The following SEMA3A variants were observed in gnomAD, a reference collection of about 807,000 sequenced individuals.
SEMA3A encodes semaphorin 3A.
In SEMA3A, 29 loss-of-function variants were observed where a neutral mutation model predicts 97.9. That is an observed-to-expected ratio of 0.30 (90% CI 0.22 to 0.40). SEMA3A has a LOEUF of 0.40. SEMA3A is among the 10% of genes least tolerant of loss of function. The probability of loss-of-function intolerance (pLI) is 1.00; values close to 1 mark genes in which losing one functional copy is unlikely to be tolerated. For missense variants in SEMA3A, 763 were observed against 951.3 expected (o/e 0.80, Z 2.60); for synonymous variants, 321 against 323.7 (o/e 0.99, Z 0.09).
At chr7:84,009,182 G>C (rs1790782394) in intron 9 of SEMA3A, among the ~76,000 whole-genome samples, 1 of 152,184 alleles carries the variant, frequency 6.6e-6, no homozygotes, top group South Asian at 2.1e-4. Flanking sequence ...GCAAGGCCTA[G>C]GAATCTGAAT....
At chr7:83,968,214 A>C (rs1249015424) in intron 15 of SEMA3A, among the ~76,000 whole-genome samples, 1 of 152,224 alleles carries the variant, frequency 6.6e-6, no homozygotes, top group African/African-American at 2.4e-5. Context: ...AGTGATATAA[A>C]ATCTTTTTCT....
At chr7:84,136,977 G>GAAGGAAGGAAGGAAGA (rs1796147541) in intron 1 of SEMA3A, among the ~76,000 whole-genome samples, 1 of 150,062 alleles carries the variant, frequency 6.7e-6, no homozygotes, top group Admixed American at 6.6e-5. Flanking sequence ...AGGAAGGAAG[G>GAAGGAAGGAAGGAAGA]AAGGAAGGAA....
intron 1 of SEMA3A, among the ~76,000 whole-genome samples, chr7:84,425,505 T>A (rs1804791770): frequency 7.0e-6 from 1 of 143,132 alleles, no homozygotes; most frequent in African/African-American, 2.5e-5. Context: ...ATGCATATAA[T>A]ATATTCATAT....
At chr7:84,187,498 C>CAA (rs1271932677) in intron 1 of SEMA3A, among the ~76,000 whole-genome samples, 5 of 152,026 alleles carry the variant, frequency 3.3e-5, no homozygotes, top group Non-Finnish European at 7.4e-5. Context: ...TGCAGACTAA[C>CAA]AAATATGACC....
upstream of SEMA3A, among the ~76,000 whole-genome samples, chr7:84,199,386 C>T (rs1020305071): frequency 1.3e-5 from 2 of 152,054 alleles, no homozygotes; most frequent in Non-Finnish European, 1.5e-5. Flanking sequence ...CAGATGACCT[C>T]TTTAAAGGAA....
intron 2 of SEMA3A, among the ~76,000 whole-genome samples, chr7:84,329,232 C>G (rs931307148): frequency 1.3e-5 from 2 of 151,894 alleles, no homozygotes; most frequent in Non-Finnish European, 2.9e-5. Flanking sequence ...ATTGAGTGTT[C>G]AAGACATTAC....
intron 1 of SEMA3A, among the ~76,000 whole-genome samples, chr7:84,386,807 CT>C (rs1479723980): frequency 2.6e-5 from 4 of 151,980 alleles, no homozygotes; most frequent in African/African-American, 9.7e-5. Context: ...CTACATCAGC[CT>C]GGCCAACATG....
chr7:84,438,598 C>G (rs1400644102), intron 1 of SEMA3A, among the ~76,000 whole-genome samples: 2 of 152,030 alleles, frequency 1.3e-5, no homozygotes, highest in South Asian at 4.1e-4. Context: ...TGCCAGAAAA[C>G]CATCGGGAAG....
At chr7:84,187,306 T>G (rs1441580849) in intron 1 of SEMA3A, among the ~76,000 whole-genome samples, 1 of 152,216 alleles carries the variant, frequency 6.6e-6, no homozygotes, top group African/African-American at 2.4e-5. Flanking sequence ...TCACTTATCT[T>G]TAGCTACTAC....
chr7:84,195,024 A>AGAGAGAGAGAGAAAGAGAGAGAGAG (rs1798179833), upstream of SEMA3A: 103 of 140,578 alleles, frequency 7.3e-4, no homozygotes, highest in African/African-American at 2.3e-3. Flanking sequence ...GAGAGAGAGA[A>AGAGAGAGAGAGAAAGAGAGAGAGAG]AGAGAGAGAG....
At position 83,959,475 on chromosome 7, in the gene SEMA3A, A is replaced by T. The variant is rs2116237674; in HGVS notation, c.*1896T>A. The T allele has an allele frequency of 6.6e-6, 1 of 152,226 alleles. No homozygotes were observed. Among genetic ancestry groups the T allele is most frequent in the South Asian group, 2.1e-4 (1 of 4,832 alleles). 9.4% of individuals were successfully genotyped at this position (152,226 alleles called of 1,614,324 possible). ...TGTGAGGATATACAGTACTTCCAAA[A>T]GCAACACCATATTAGTCAATGGAGC... On this transcript the variant is annotated 3_prime_UTR_variant, in exon 17 of 17. Transcript: ENST00000265362.
chr7:84,423,521 T>C (rs567343034), intron 1 of SEMA3A, among the ~76,000 whole-genome samples: 2 of 152,236 alleles, frequency 1.3e-5, no homozygotes, highest in African/African-American at 4.8e-5. Context: ...ATTGCATTCC[T>C]TCCCAGACAC....
At chr7:84,432,299 T>C (rs565114292) in intron 1 of SEMA3A, among the ~76,000 whole-genome samples, 2 of 152,268 alleles carry the variant, frequency 1.3e-5, no homozygotes, top group African/African-American at 4.8e-5. Context: ...GCCACCAATG[T>C]GCTATAAATC....
intron 5 of SEMA3A, among the ~76,000 whole-genome samples, chr7:84,049,507 C>T (rs1037440795): frequency 6.6e-6 from 1 of 151,910 alleles, no homozygotes; most frequent in African/African-American, 2.4e-5. Context: ...AGAGTATATG[C>T]CATTTAATAA....
intron 5 of SEMA3A, among the ~76,000 whole-genome samples, chr7:84,057,196 A>G (rs889726772): frequency 2.0e-5 from 3 of 152,204 alleles, no homozygotes; most frequent in African/African-American, 7.2e-5. Flanking sequence ...ATAGGTCTCA[A>G]TAATACCTCT....
chr7:84,407,202 G>C (rs887270392), intron 1 of SEMA3A, among the ~76,000 whole-genome samples: 4 of 152,274 alleles, frequency 2.6e-5, no homozygotes, highest in Admixed American at 2.0e-4. Flanking sequence ...CTTCAGCAAA[G>C]TCTCAGGATA....
intron 3 of SEMA3A, among the ~76,000 whole-genome samples, chr7:84,304,980 T>C (rs925324437): frequency 2.0e-5 from 3 of 152,008 alleles, no homozygotes; most frequent in African/African-American, 7.2e-5. Context: ...ATATTTAATC[T>C]AAAATTTGTT....
chr7:83,994,837 G>C (rs1365021275), intron 12 of SEMA3A, among the ~76,000 whole-genome samples: 1 of 152,020 alleles, frequency 6.6e-6, no homozygotes, highest in Non-Finnish European at 1.5e-5. Context: ...GCTGTGGTGG[G>C]CTCCACCCAG....
intron 1 of SEMA3A, among the ~76,000 whole-genome samples, chr7:84,484,242 A>G (rs2116440259): frequency 6.6e-6 from 1 of 152,256 alleles, no homozygotes; most frequent in East Asian, 1.9e-4. Context: ...TACACATTAA[A>G]TAATTTTAAA....
Sources: gnomAD v4.1 joint callset for allele counts (sites outside exome capture counted in the v4.1 genomes callset) on GRCh38, gnomAD v4.1.1 for gene constraint, MANE v1.5 for transcripts, NCBI Gene and HGNC (gene_info 2026-07-23, HGNC 2026-07-21) for gene names.